ARHGEF10: variants seen among roughly 807,000 people sequenced by gnomAD.
The protein encoded by ARHGEF10 is Rho guanine nucleotide exchange factor (GEF) 10.
ARHGEF10 carries 140 observed loss-of-function variants against 147.4 expected under a neutral mutation model. The ratio of observed to expected loss-of-function variants is 0.95; its 90% CI spans 0.83 to 1.09. The LOEUF (loss-of-function observed/expected upper bound fraction) is 1.09. Ranked by LOEUF, ARHGEF10 falls within the 50% of genes least tolerant of loss-of-function variation. The probability of loss-of-function intolerance (pLI) is 0.00; values close to 1 mark genes in which losing one functional copy is unlikely to be tolerated. For synonymous variants in ARHGEF10, 902 were observed against 695.8 expected, an observed-to-expected ratio of 1.30 and a Z score of -4.67; for missense variants, 2,222 against 1,752.7, an observed-to-expected ratio of 1.27 and a Z score of -4.78.
intron 1 of ARHGEF10, among the ~76,000 whole-genome samples, chr8:1,835,516 C>T (rs34611066): frequency 1.3e-5 from 2 of 151,916 alleles, no homozygotes; most frequent in Non-Finnish European, 2.9e-5. Flanking sequence ...CTTCCTCCCA[C>T]GCAGGAGTCA....
intron 5 of ARHGEF10, 73 bp from the exon 6 acceptor site, chr8:1,866,453 T>A: frequency 8.1e-7 from 1 of 1,232,864 alleles, no homozygotes; most frequent in Non-Finnish European, 1.2e-6. Context: ...ACACACACTC[T>A]GCAGGGCAGT....
chr8:1,929,487 C>T, intron 25 of ARHGEF10, 44 bp downstream of exon 25: 2 of 1,563,000 alleles, frequency 1.3e-6, no homozygotes, highest in East Asian at 2.3e-5. Context: ...TTGGGGTTCA[C>T]TCAGGGGACT....
At chr8:1,852,850 T>C (rs1805250840) in intron 2 of ARHGEF10, among the ~76,000 whole-genome samples, 1 of 152,238 alleles carries the variant, frequency 6.6e-6, no homozygotes, top group Non-Finnish European at 1.5e-5. Flanking sequence ...GTCTGAATCC[T>C]GAGGCTTAAA....
Position 1,896,313 on chromosome 8 carries a change from A to G in ARHGEF10, c.1441-20A>G. ...ATCTGGACTCTGTGATTTCTCTCTG[A>G]ATTTCCTCCTGTGTTTCAGTTTTCT... is the stretch of plus-strand genomic sequence containing the variant. On this transcript the variant is annotated intron_variant, in intron 13 of 28. Transcript: ENST00000349830. 1.3e-6 allele frequency: 2 copies of G among 1,555,372 alleles called. No individual in the cohort carries two copies. Among genetic ancestry groups the G allele is most frequent in the Non-Finnish European group, 8.9e-7 (1 of 1,126,590 alleles).
At chr8:1,832,358 GCAGAGA>G (rs201841954) in intron 1 of ARHGEF10, among the ~76,000 whole-genome samples, 2,400 of 131,994 alleles carry the variant, frequency 0.018, 86 homozygotes, top group East Asian at 0.11. Context: ...ACAGAGACAG[GCAGAGA>G]CAGAGACAGA....
intron 15 of ARHGEF10, among the ~76,000 whole-genome samples, chr8:1,901,411 C>T (rs763904279): frequency 5.3e-5 from 8 of 152,184 alleles, no homozygotes; most frequent in African/African-American, 7.2e-5. Context: ...CACAGCTGTC[C>T]CCTGGCTCAG....
Position 1,893,583 on chromosome 8 carries a change from T to C in ARHGEF10, c.1197T>C (p.Tyr399=), listed in dbSNP as rs1429784233. The C allele has an allele frequency of 1.9e-6, 3 of 1,613,258 alleles. No individual in the cohort carries two copies. Among genetic ancestry groups the C allele is most frequent in the Non-Finnish European group, 2.5e-6 (3 of 1,179,424 alleles). Reference sequence around the variant, plus strand: ...ATTTCCAACAGGTTGTAAGAAGATATATACTGGGTTCAGTTGTCGACAGTG... The same window carrying C: ...ATTTCCAACAGGTTGTAAGAAGATACATACTGGGTTCAGTTGTCGACAGTG... ...GLSQQQVVRR[Y]ILGSVVDSEK... is the part of the protein sequence containing the mutation. Residue 399 remains tyrosine (Y), a synonymous_variant, in exon 12 of 29, where the codon TAT becomes TAC. Transcript: ENST00000349830.
At chr8:1,912,293 C>T (rs2129188123) in intron 18 of ARHGEF10, among the ~76,000 whole-genome samples, 1 of 152,222 alleles carries the variant, frequency 6.6e-6, no homozygotes, top group South Asian at 2.1e-4. Context: ...AGCTCGCCGT[C>T]CCTGCAAAGG....
At chr8:1,903,245 C>G in intron 15 of ARHGEF10, 36 bp from the exon 16 acceptor site, 1 of 1,612,896 alleles carries the variant, frequency 6.2e-7, no homozygotes. Context: ...GGAGTGTCCA[C>G]GTGGTAACTG....
intron 1 of ARHGEF10, among the ~76,000 whole-genome samples, chr8:1,832,251 C>T (rs771528080): frequency 2.6e-5 from 4 of 152,054 alleles, no homozygotes; most frequent in South Asian, 4.1e-4. Context: ...GCGGGGGGCG[C>T]GTTGTGTCCA....
At chr8:1,836,476 A>G (rs1466017920) in intron 1 of ARHGEF10, among the ~76,000 whole-genome samples, 1 of 152,114 alleles carries the variant, frequency 6.6e-6, no homozygotes, top group African/African-American at 2.4e-5. Flanking sequence ...GTTGCCAGCC[A>G]CGTGGGCTGA....
intron 2 of ARHGEF10, among the ~76,000 whole-genome samples, chr8:1,849,187 T>C (rs1804779666): frequency 1.3e-5 from 2 of 152,240 alleles, no homozygotes; most frequent in African/African-American, 2.4e-5. Flanking sequence ...CAAATTAGAA[T>C]AGCCAAAATC....
intron 8 of ARHGEF10, among the ~76,000 whole-genome samples, chr8:1,877,851 C>T (rs150472607): frequency 5.3e-4 from 81 of 152,036 alleles, no homozygotes; most frequent in Non-Finnish European, 9.0e-4. Context: ...TGGCGAGTCC[C>T]GTGTTACTGA....
At position 1,841,973 on chromosome 8, in the gene ARHGEF10, G is replaced by GTCC. The variant is rs1563161898; in HGVS notation, c.-47-1380_-47-1379insTCC. Among the ~76,000 whole-genome samples, 33 of 64,728 alleles carry GTCC rather than the reference G, an allele frequency of 5.1e-4. 4 individuals are homozygous for GTCC. Among genetic ancestry groups the GTCC allele is most frequent in the Admixed American group, 3.1e-3 (19 of 6,108 alleles). The allele number at this position is 64,728 out of a possible 152,430, so 42.5% of individuals were successfully genotyped here. Reference sequence around the variant, plus strand: ...GAACTGGGGCCGCGACCGGAACTGGGGCCGCGGCGGGAACTGGGGCCGCGG... The same window carrying GTCC: ...GAACTGGGGCCGCGACCGGAACTGGGTCCGCCGCGGCGGGAACTGGGGCCGCGG... On this transcript the variant is annotated intron_variant, in intron 1 of 28. Coordinates refer to ENST00000349830, the MANE Select transcript of ARHGEF10 (RefSeq NM_014629.4).
chr8:1,895,048 C>T (rs187795718), intron 13 of ARHGEF10, among the ~76,000 whole-genome samples: 33 of 152,330 alleles, frequency 2.2e-4, no homozygotes, highest in Admixed American at 6.5e-5. Context: ...GATGTTTTCT[C>T]AAACTTTTGC....
At chr8:1,955,383 GGT>G (rs1815455593) in intron 28 of ARHGEF10, among the ~76,000 whole-genome samples, 1 of 139,500 alleles carries the variant, frequency 7.2e-6, no homozygotes, top group Non-Finnish European at 1.6e-5. Context: ...CCTGAAAGGA[GGT>G]GTACTCTCAC....
rs1412980079 is a variant in ARHGEF10, at chr8:1,925,368, C to T, written c.2574C>T (p.His858=). The change falls in exon 22 of 29, where the codon CAC becomes CAT. Residue 858 remains histidine, a synonymous_variant. Transcript: ENST00000349830. ...AGAAGCATCCTCTCCTCGTCGGACA[C>T]ATGCCCGTGATGGTGGCCAAGCAGC... ...KKEKHPLLVG[H]MPVMVAKQQE... is the part of the protein sequence containing the mutation. 1.9e-6 allele frequency: 3 copies of T among 1,614,074 alleles called. No individual in the cohort carries two copies. Among genetic ancestry groups the T allele is most frequent in the Non-Finnish European group, 1.7e-6 (2 of 1,180,052 alleles).
At chr8:1,927,581 C>G (rs1812781378) in intron 23 of ARHGEF10, 1 of 152,160 alleles carries the variant, frequency 6.6e-6, no homozygotes, top group Admixed American at 6.5e-5. Context: ...GAGATTCAAA[C>G]ACACAGGAAG....
intron 7 of ARHGEF10, among the ~76,000 whole-genome samples, chr8:1,871,931 AATG>A (rs1225495249): frequency 6.6e-6 from 1 of 152,196 alleles, no homozygotes; most frequent in Non-Finnish European, 1.5e-5. Context: ...GCAAGGCAAA[AATG>A]ATGAAATAAA....
Sources: gnomAD v4.1 joint callset for allele counts (sites outside exome capture counted in the v4.1 genomes callset) on GRCh38, gnomAD v4.1.1 for gene constraint, MANE v1.5 for transcripts, NCBI Gene and HGNC (gene_info 2026-07-23, HGNC 2026-07-21) for gene names.